Variants in TECPR2 observed in about 807,000 individuals in gnomAD.
TECPR2 encodes the protein tectonin beta-propeller repeat-containing protein 2.
Under a neutral mutation model 138.1 loss-of-function variants are expected in TECPR2, and 65 were observed. The ratio of observed to expected loss-of-function variants is 0.47; its 90% CI spans 0.39 to 0.58. TECPR2 has a LOEUF of 0.58. Among genes scored for constraint, TECPR2 ranks in the 20% least tolerant of loss-of-function variants. The pLI is 0.00. For synonymous variants in TECPR2, 746 were observed against 749.8 expected (o/e 0.99, Z 0.08); for missense variants, 1,553 against 1,824.5 (o/e 0.85, Z 2.71).
intron 17 of TECPR2, among the ~76,000 whole-genome samples, chr14:102,495,220 T>A (rs1195643923): frequency 5.3e-5 from 8 of 151,970 alleles, no homozygotes; most frequent in East Asian, 3.9e-4. Flanking sequence ...TTAAAAAAAA[T>A]TTTTTTAAAG....
chr14:102,467,400 C>T (rs1026369971), intron 17 of TECPR2, among the ~76,000 whole-genome samples: 3 of 148,484 alleles, frequency 2.0e-5, no homozygotes, highest in Admixed American at 6.8e-5. Flanking sequence ...TCTTGGCTCA[C>T]TACAACCTCC....
chr14:102,380,087 C>T (rs543185441), intron 2 of TECPR2, among the ~76,000 whole-genome samples: 12 of 124,696 alleles, frequency 9.6e-5, no homozygotes, highest in South Asian at 2.7e-4. Context: ...CACAGAGGCA[C>T]CCTAGTCACA....
Position 102,411,995 on chromosome 14 carries a change from C to T in TECPR2, c.481-2641C>T, listed in dbSNP as rs186693723. ...AGTAAAAATGTGGAATCTGAAACCA[C>T]ATGGATGAATTTTTCCTACTCTGTT... On this transcript the variant is annotated intron_variant, in intron 4 of 19. Coordinates refer to ENST00000359520, the MANE Select transcript of TECPR2 (RefSeq NM_014844.5). Among the ~76,000 whole-genome samples, 50 of 152,134 alleles carry T rather than the reference C, an allele frequency of 3.3e-4. No individual in the cohort carries two copies. The East Asian group carries it at 9.5e-3, about 29-fold the overall frequency.
At chr14:102,374,285 T>G (rs1887588658) in intron 1 of TECPR2, among the ~76,000 whole-genome samples, 1 of 152,194 alleles carries the variant, frequency 6.6e-6, no homozygotes, top group South Asian at 2.1e-4. Flanking sequence ...TCTCTAGTAA[T>G]GAACTATAGA....
chr14:102,430,979 T>C (rs1278332491), intron 7 of TECPR2, among the ~76,000 whole-genome samples: 2 of 152,130 alleles, frequency 1.3e-5, no homozygotes, highest in African/African-American at 4.8e-5. Flanking sequence ...TTGTAAATAA[T>C]TTGTAAATTG....
chr14:102,368,414 C>T (rs117972815), intron 1 of TECPR2, among the ~76,000 whole-genome samples: 2,167 of 152,264 alleles, frequency 0.014, 24 homozygotes, highest in Middle Eastern at 0.027. Context: ...CTGTGTTGAT[C>T]AGGCTGGTCT....
At chr14:102,465,671 A>G in intron 17 of TECPR2, 1 of 984,668 alleles carries the variant, frequency 1.0e-6, no homozygotes, top group Non-Finnish European at 1.2e-6. Flanking sequence ...GTTACTTTGA[A>G]TCTTGTCATG....
chr14:102,501,820 G>A lies in TECPR2; in HGVS notation c.*3563G>A, dbSNP rs918893884. 16 of 152,188 alleles carry A rather than the reference G, an allele frequency of 1.1e-4. No individual in the cohort carries two copies. Among genetic ancestry groups the A allele is most frequent in the African/African-American group, 2.7e-4 (11 of 41,434 alleles). The allele number at this position is 152,188 out of a possible 1,614,324, so 9.4% of individuals were successfully genotyped here. A position where few individuals can be genotyped will look rare whatever the true frequency, so the allele number is the denominator to read the frequency against. On this transcript the variant is annotated 3_prime_UTR_variant, in exon 20 of 20. Transcript: ENST00000359520. ...ATAGGAGGAGCACTTCGAGTCGAGTGTAAGGGCCCTTCACAAAAGCAGAAG... is the reference window on the plus strand; with the variant it reads ...ATAGGAGGAGCACTTCGAGTCGAGTATAAGGGCCCTTCACAAAAGCAGAAG...
At chr14:102,466,751 A>G (rs1041279837) in intron 17 of TECPR2, among the ~76,000 whole-genome samples, 1 of 152,086 alleles carries the variant, frequency 6.6e-6, no homozygotes, top group East Asian at 1.9e-4. Flanking sequence ...GCACCATCCA[A>G]TTCCAGAGGG....
chr14:102,479,033 A>G (rs1465350357), intron 17 of TECPR2, among the ~76,000 whole-genome samples: 21 of 142,050 alleles, frequency 1.5e-4, no homozygotes, highest in African/African-American at 3.2e-4. Flanking sequence ...AAAAAAAAAA[A>G]GGAAAAAAAA....
In TECPR2 at chr14:102,499,148, G is replaced by T. The variant is rs1288001294; in HGVS notation, c.*891G>T. The T allele has an allele frequency of 1.4e-6, 1 of 703,100 alleles. No individual in the cohort carries two copies. The highest frequency in any genetic ancestry group is 2.6e-6 in the Non-Finnish European group (1 of 385,018). 43.6% of individuals were successfully genotyped at this position (703,100 alleles called of 1,614,324 possible). Reference sequence around the variant, plus strand: ...TGATGGGTGCAAATGGAACCTGGATGTGTGCACGTGTGTCCCAGGTAGGGA... The same window carrying T: ...TGATGGGTGCAAATGGAACCTGGATTTGTGCACGTGTGTCCCAGGTAGGGA... On this transcript the variant is annotated 3_prime_UTR_variant, in exon 20 of 20. Transcript: ENST00000359520.
intron 7 of TECPR2, among the ~76,000 whole-genome samples, chr14:102,428,720 C>T (rs1463865759): frequency 2.0e-5 from 3 of 152,154 alleles, no homozygotes; most frequent in African/African-American, 7.2e-5. Context: ...TAAGATTGCA[C>T]CACTGCACTC....
In TECPR2 at chr14:102,452,570, C is replaced by G. The variant is rs749393278; in HGVS notation, c.3583C>G (p.Leu1195Val). ...DSLGQVFIRT[L>V]SKSCPTGMHW... ...CCTCGGCCAGGTGTTCATCAGGACGCTCTCCAAGAGCTGCCCCACGGGCAT... is the reference window on the plus strand; with the variant it reads ...CCTCGGCCAGGTGTTCATCAGGACGGTCTCCAAGAGCTGCCCCACGGGCAT... Residue 1195 changes from leucine (L) to valine (V), a missense_variant, in exon 16 of 20, where the codon CTC becomes GTC. Coordinates refer to ENST00000359520, the MANE Select transcript of TECPR2 (RefSeq NM_014844.5). 13 of 1,609,728 alleles carry G rather than the reference C, an allele frequency of 8.1e-6. No homozygotes were observed. The East Asian group carries it at 8.9e-5, about 11-fold the overall frequency.
At chr14:102,458,974 T>C (rs934911178) in intron 16 of TECPR2, among the ~76,000 whole-genome samples, 2 of 148,956 alleles carry the variant, frequency 1.3e-5, no homozygotes, top group African/African-American at 2.5e-5. Context: ...CACATATATA[T>C]ATATATATAT....
In TECPR2 at chr14:102,449,815, G is replaced by A. The variant is rs756419983; in HGVS notation, c.3262G>A (p.Val1088Ile). The A allele has an allele frequency of 6.2e-7, 1 of 1,614,148 alleles. No homozygotes were observed. The highest frequency in any genetic ancestry group is 8.5e-7 in the Non-Finnish European group (1 of 1,180,046). ...PSLLGVNNSG[V>I]WISSGKNEFH... ...CCTTCTCGGGGTCAATAACAGCGGT[G>A]TCTGGATCTCCTCGGGCAAGAATGA... Residue 1088 changes from valine to isoleucine, a missense_variant, in exon 14 of 20, where the codon GTC becomes ATC. By Grantham distance (29) the Val-to-Ile change is conservative. Transcript: ENST00000359520.
At chr14:102,489,394 G>A (rs1371854673) in intron 17 of TECPR2, among the ~76,000 whole-genome samples, 1 of 151,648 alleles carries the variant, frequency 6.6e-6, no homozygotes, top group Non-Finnish European at 1.5e-5. Context: ...TGAGGTGGGT[G>A]GGTCACAAGG....
At chr14:102,407,903 A>G (rs1444206591) in intron 3 of TECPR2, among the ~76,000 whole-genome samples, 1 of 152,166 alleles carries the variant, frequency 6.6e-6, no homozygotes, top group Non-Finnish European at 1.5e-5. Context: ...AGGCTGAGGC[A>G]GGAGAATGGC....
Position 102,450,547 on chromosome 14 carries a change from T to C in TECPR2, c.3317-13T>C. 1 of 1,613,654 alleles carries C rather than the reference T, an allele frequency of 6.2e-7. No individual in the cohort carries two copies. The highest frequency in any genetic ancestry group is 2.2e-5 in the East Asian group (1 of 44,874). On this transcript the variant is annotated splice_polypyrimidine_tract_variant and intron_variant, in intron 14 of 19. Coordinates refer to ENST00000359520, the MANE Select transcript of TECPR2 (RefSeq NM_014844.5). ...TCTTTCTTTAACACATTCTTCCTAT[T>C]TACTCTTTCCAGGCACCTACTGGAA... is the stretch of plus-strand genomic sequence containing the variant.
At chr14:102,464,723 C>T (rs563277805) in intron 16 of TECPR2, among the ~76,000 whole-genome samples, 3 of 152,324 alleles carry the variant, frequency 2.0e-5, no homozygotes, top group East Asian at 1.9e-4. Context: ...TCTGTAAATA[C>T]GAGTTCCCTC....
Sources: allele counts gnomAD v4.1 joint callset (sites outside exome capture counted in the v4.1 genomes callset), GRCh38; gene constraint gnomAD v4.1.1; transcripts MANE v1.5; gene names NCBI Gene and HGNC (gene_info 2026-07-23, HGNC 2026-07-21).